Variants in DIAPH3 observed in about 807,000 individuals in gnomAD.
DIAPH3 encodes the protein protein diaphanous homolog 3.
In DIAPH3, 117 loss-of-function variants were observed where a neutral mutation model predicts 144.3. The observed-to-expected ratio is 0.81, with a 90% CI of 0.70 to 0.95. DIAPH3 has a LOEUF of 0.95. DIAPH3 is among the 40% of genes least tolerant of loss of function. DIAPH3 has a pLI of 0.00. For missense variants in DIAPH3, 1,421 were observed against 1,412.7 expected (o/e 1.01, Z -0.09); for synonymous variants, 519 against 488.9 (o/e 1.06, Z -0.81).
chr13:59,918,319 T>C (rs959894826), intron 18 of DIAPH3, among the ~76,000 whole-genome samples: 1 of 150,662 alleles, frequency 6.6e-6, no homozygotes, highest in Non-Finnish European at 1.5e-5. Context: ...CAGTATAAAA[T>C]GCTCATGGAC....
intron 27 of DIAPH3, among the ~76,000 whole-genome samples, chr13:59,728,940 G>A (rs1054391559): frequency 1.3e-5 from 2 of 151,942 alleles, no homozygotes; most frequent in African/African-American, 4.9e-5. Flanking sequence ...GGATAAATCA[G>A]TCTCTTGAGA....
chr13:59,876,449 A>G (rs1470148234), intron 21 of DIAPH3, among the ~76,000 whole-genome samples: 1 of 152,238 alleles, frequency 6.6e-6, no homozygotes, highest in Non-Finnish European at 1.5e-5. Context: ...TAACTGTAGT[A>G]AAAGAATAAC....
chr13:59,926,691 G>A (rs2047769153), intron 17 of DIAPH3, among the ~76,000 whole-genome samples: 1 of 152,154 alleles, frequency 6.6e-6, no homozygotes, highest in African/African-American at 2.4e-5. Flanking sequence ...GAGCTACAAA[G>A]ATACTTAATA....
intron 22 of DIAPH3, among the ~76,000 whole-genome samples, chr13:59,844,222 A>G (rs1199175064): frequency 2.0e-5 from 3 of 152,070 alleles, no homozygotes; most frequent in Non-Finnish European, 2.9e-5. Flanking sequence ...TTTCACATGT[A>G]TCAGGTTCTT....
chr13:60,137,869 G>A (rs1024658114), intron 1 of DIAPH3, among the ~76,000 whole-genome samples: 30 of 151,452 alleles, frequency 2.0e-4, no homozygotes, highest in African/African-American at 4.1e-4. Context: ...GACCACAGGC[G>A]TGCACCACCA....
At chr13:59,699,846 C>A (rs1159260268) in intron 27 of DIAPH3, among the ~76,000 whole-genome samples, 1 of 152,128 alleles carries the variant, frequency 6.6e-6, no homozygotes, top group Admixed American at 6.5e-5. Context: ...TGACACCCAC[C>A]CTTGCTGCTC....
intron 1 of DIAPH3, among the ~76,000 whole-genome samples, chr13:60,144,165 A>ATATG (rs1473228691): frequency 7.9e-5 from 12 of 152,266 alleles, no homozygotes; most frequent in African/African-American, 2.9e-4. Context: ...AGTGGTTATC[A>ATATG]ACCTGACTAC....
chr13:60,084,645 C>G (rs987045338), intron 4 of DIAPH3, among the ~76,000 whole-genome samples: 1 of 151,834 alleles, frequency 6.6e-6, no homozygotes, highest in East Asian at 1.9e-4. Context: ...CAGTAATATA[C>G]AAGGAATAGT....
At chr13:59,803,608 A>G (rs2040050037) in intron 25 of DIAPH3, among the ~76,000 whole-genome samples, 1 of 152,138 alleles carries the variant, frequency 6.6e-6, no homozygotes, top group South Asian at 2.1e-4. Flanking sequence ...AAAAATAATC[A>G]CTTTCAAATT....
At chr13:60,051,672 C>T (rs1365778696) in intron 4 of DIAPH3, among the ~76,000 whole-genome samples, 1 of 151,562 alleles carries the variant, frequency 6.6e-6, no homozygotes, top group African/African-American at 2.4e-5. Flanking sequence ...ATGTGCCCTA[C>T]TATACAAGGG....
chr13:60,133,036 CTTTA>C lies in DIAPH3; in HGVS notation c.181-51_181-48del, dbSNP rs752712383. 6 of 1,401,736 alleles carry C rather than the reference CTTTA, an allele frequency of 4.3e-6. No homozygotes were observed. In the Admixed American group the frequency reaches 7.0e-5, roughly 16 times the overall value. The allele number at this position is 1,401,736 out of a possible 1,614,324, so 86.8% of individuals were successfully genotyped here. A position where few individuals can be genotyped will look rare whatever the true frequency, so the allele number is the denominator to read the frequency against. ...TCATATTAGTAATTTATAACAGCTT[CTTTA>C]TTTTAGTTAATAGGGTACATTCAAA... On this transcript the variant is annotated intron_variant, in intron 1 of 27. Transcript: ENST00000400324.
At chr13:59,939,028 T>A (rs1008269167) in intron 17 of DIAPH3, among the ~76,000 whole-genome samples, 1 of 152,194 alleles carries the variant, frequency 6.6e-6, no homozygotes, top group Non-Finnish European at 1.5e-5. Flanking sequence ...AAATCACTCA[T>A]TTTAATTTGA....
intron 27 of DIAPH3, among the ~76,000 whole-genome samples, chr13:59,717,888 G>C (rs2035140049): frequency 4.0e-5 from 6 of 151,870 alleles, no homozygotes; most frequent in Admixed American, 3.9e-4. Context: ...AAGAGACAGA[G>C]AGACTATTAA....
At chr13:60,092,892 T>TA (rs1170332354) in intron 4 of DIAPH3, among the ~76,000 whole-genome samples, 2 of 152,244 alleles carry the variant, frequency 1.3e-5, no homozygotes, top group Non-Finnish European at 2.9e-5. Flanking sequence ...ACTAGTGTGT[T>TA]AAGCTACTTT....
chr13:60,142,572 A>G (rs1234899227), intron 1 of DIAPH3, among the ~76,000 whole-genome samples: 2 of 152,268 alleles, frequency 1.3e-5, no homozygotes, highest in Non-Finnish European at 2.9e-5. Context: ...AGAGGTCTAC[A>G]TGCAGATGGT....
chr13:59,991,151 C>A lies in DIAPH3; in HGVS notation c.1361+7G>T. On this transcript the variant is annotated splice_region_variant and intron_variant, in intron 12 of 27. Coordinates refer to ENST00000400324, the MANE Select transcript of DIAPH3 (RefSeq NM_001042517.2). ...AAAGAAAACATTAGAATACAACTTC[C>A]TCTTACCTTATAAAATAATCATTTC... is the stretch of plus-strand genomic sequence containing the variant. The A allele has an allele frequency of 6.5e-7, 1 of 1,529,998 alleles. No homozygotes were observed. 94.8% of individuals were successfully genotyped at this position (1,529,998 alleles called of 1,614,324 possible).
intron 27 of DIAPH3, among the ~76,000 whole-genome samples, chr13:59,723,627 T>C (rs1404992577): frequency 6.6e-6 from 1 of 152,034 alleles, no homozygotes; most frequent in African/African-American, 2.4e-5. Flanking sequence ...TTTTTCCTTT[T>C]TGAGATGAAG....
At chr13:60,000,273 G>C (rs893967907) in intron 9 of DIAPH3, among the ~76,000 whole-genome samples, 2 of 152,102 alleles carry the variant, frequency 1.3e-5, no homozygotes, top group East Asian at 3.9e-4. Context: ...CCCCTGTCCA[G>C]TACTGCATCA....
At position 59,708,606 on chromosome 13, in the gene DIAPH3, G is replaced by C. The variant is rs531280979; in HGVS notation, c.3320-41760C>G. ...GCTTGGTTTTCCATCTCAGTGTTTT[G>C]TGTTTCCGCCCTTCCTCCTGAGCCC... On this transcript the variant is annotated intron_variant, in intron 27 of 27. Coordinates refer to ENST00000400324, the MANE Select transcript of DIAPH3 (RefSeq NM_001042517.2). Among the ~76,000 whole-genome samples, 5 of 152,138 alleles carry C rather than the reference G, an allele frequency of 3.3e-5. No homozygotes were observed. In the South Asian group the frequency reaches 1.0e-3, roughly 32 times the overall value.
Sources: allele counts gnomAD v4.1 joint callset (sites outside exome capture counted in the v4.1 genomes callset), GRCh38; gene constraint gnomAD v4.1.1; transcripts MANE v1.5; gene names NCBI Gene and HGNC (gene_info 2026-07-23, HGNC 2026-07-21).